APBB2: variants seen among roughly 807,000 people sequenced by gnomAD.
APBB2 encodes the protein Fe65-like 1.
APBB2 carries 38 observed loss-of-function variants against 82.5 expected under a neutral mutation model. The ratio of observed to expected loss-of-function variants is 0.46; its 90% CI spans 0.36 to 0.60. APBB2 has a LOEUF of 0.60. APBB2 is among the 20% of genes least tolerant of loss of function. APBB2 has a pLI of 0.00. For missense variants in APBB2, 772 were observed against 972.3 expected (o/e 0.79, Z 2.74); for synonymous variants, 341 against 368.2 (o/e 0.93, Z 0.85).
In APBB2 at chr4:41,079,829, A is replaced by G. The variant is rs1248561111; in HGVS notation, c.-148-14156T>C. Among the ~76,000 whole-genome samples the G allele has an allele frequency of 3.9e-5, 6 of 152,180 alleles. No individual in the cohort carries two copies. In the East Asian group the frequency reaches 1.2e-3, roughly 29 times the overall value. ...CCCAAAGTGCTGGGATTACAGGCGTAAACCACCGCGACCGGCCAGCTCACC... is the reference window on the plus strand; with the variant it reads ...CCCAAAGTGCTGGGATTACAGGCGTGAACCACCGCGACCGGCCAGCTCACC... On this transcript the variant is annotated intron_variant, in intron 3 of 17. Transcript: ENST00000508593.
chr4:40,893,488 G>T (rs765273627), intron 10 of APBB2, 77 bp from the exon 11 acceptor site: 2 of 1,374,996 alleles, frequency 1.5e-6, no homozygotes, highest in Non-Finnish European at 9.7e-7. Flanking sequence ...CTCCCCTCCC[G>T]CAACTAAAAG....
chr4:41,013,537 A>T (rs373578364), intron 6 of APBB2, 46 bp downstream of exon 6: 14 of 573,924 alleles, frequency 2.4e-5, no homozygotes, highest in Middle Eastern at 5.1e-4. Context: ...TTGAAAAGAT[A>T]AAAAAAAAAA....
chr4:41,071,643 T>C (rs945054983), intron 3 of APBB2, among the ~76,000 whole-genome samples: 1 of 152,046 alleles, frequency 6.6e-6, no homozygotes, highest in African/African-American at 2.4e-5. Context: ...ATCATGCCAC[T>C]GCACTCCAGC....
chr4:40,895,459 G>A lies in APBB2; in HGVS notation c.1255-2048C>T, dbSNP rs180989793. Among the ~76,000 whole-genome samples, 15 of 152,382 alleles carry A rather than the reference G, an allele frequency of 9.8e-5. No homozygotes were observed. In the East Asian group the frequency reaches 2.3e-3, roughly 23 times the overall value. On this transcript the variant is annotated intron_variant, in intron 10 of 17. Coordinates refer to ENST00000508593, the MANE Select transcript of APBB2 (RefSeq NM_004307.2). The stretch of plus-strand genomic sequence containing the variant: ...TGAAGAGGAGGTCCCGGGTGCCAGA[G>A]CTGGCTGTGGCCAATTCAGAGCTAG...
chr4:41,065,305 G>C (rs1253364353), intron 4 of APBB2, among the ~76,000 whole-genome samples: 1 of 151,764 alleles, frequency 6.6e-6, no homozygotes, highest in Admixed American at 6.6e-5. Context: ...AGAAAAATTT[G>C]GAAAAAAAGA....
chr4:41,148,905 CA>C (rs1218651442), intron 1 of APBB2, among the ~76,000 whole-genome samples: 4 of 152,068 alleles, frequency 2.6e-5, no homozygotes, highest in African/African-American at 9.7e-5. Context: ...ATATAAAATA[CA>C]TATAGGAAAT....
At chr4:41,108,973 ACTCT>A (rs965008448) in intron 2 of APBB2, among the ~76,000 whole-genome samples, 5 of 151,686 alleles carry the variant, frequency 3.3e-5, no homozygotes, top group Admixed American at 2.0e-4. Context: ...AAGTCAAAAT[ACTCT>A]CTCTTTTTCT....
At chr4:41,029,178 G>A (rs910550949) in intron 5 of APBB2, among the ~76,000 whole-genome samples, 1 of 152,154 alleles carries the variant, frequency 6.6e-6, no homozygotes, top group Non-Finnish European at 1.5e-5. Context: ...AGTTAATAGT[G>A]AAACCTACCC....
chr4:41,102,307 A>C (rs1274897456), intron 2 of APBB2, among the ~76,000 whole-genome samples: 1 of 152,200 alleles, frequency 6.6e-6, no homozygotes, highest in Non-Finnish European at 1.5e-5. Context: ...TGTTACTGCC[A>C]ACATTTATAT....
intron 12 of APBB2, among the ~76,000 whole-genome samples, chr4:40,839,546 A>T (rs1293141970): frequency 1.3e-5 from 2 of 152,202 alleles, no homozygotes; most frequent in Non-Finnish European, 2.9e-5. Flanking sequence ...GAATTTGTGA[A>T]GGCTGGCACA....
intron 7 of APBB2, among the ~76,000 whole-genome samples, chr4:40,941,901 A>T (rs28609755): frequency 6.6e-6 from 1 of 151,768 alleles, no homozygotes; most frequent in African/African-American, 2.4e-5. Context: ...CCTCCCAAAG[A>T]GCTGGGATTA....
rs1560913638 is a variant in APBB2, at chr4:41,159,969, GAAGAAGAAGAAGAAGAAGA to G, written c.-416-16846_-416-16828del. Reference sequence around the variant, plus strand: ...AGAAGGAGAAGGAGAAGGAGAAGAAGAAGAAGAAGAAGAAGAAGAAGAAGAAGAAGAAGAAGAAGAAGAA... The same window carrying G: ...AGAAGGAGAAGGAGAAGGAGAAGAAGAGAAGAAGAAGAAGAAGAAGAAGAA... On this transcript the variant is annotated intron_variant, in intron 1 of 17. Coordinates refer to ENST00000508593, the MANE Select transcript of APBB2 (RefSeq NM_004307.2). Among the ~76,000 whole-genome samples the G allele has an allele frequency of 7.4e-4, 73 of 98,750 alleles. 5 individuals carry two copies. The highest frequency in any genetic ancestry group is 2.7e-3 in the African/African-American group (69 of 25,724). The allele number at this position is 98,750 out of a possible 152,430, so 64.8% of individuals were successfully genotyped here.
At chr4:40,994,860 G>A (rs1803194908) in intron 6 of APBB2, among the ~76,000 whole-genome samples, 1 of 147,610 alleles carries the variant, frequency 6.8e-6, no homozygotes, top group Admixed American at 6.8e-5. Context: ...GAAGGAAGGA[G>A]AGAGAGAAGG....
chr4:41,139,099 A>G (rs2585588), intron 2 of APBB2, among the ~76,000 whole-genome samples: 148,854 of 152,244 alleles, frequency 0.98, 72,775 homozygotes, highest in East Asian at 1. Flanking sequence ...AAATGGAAAC[A>G]TGTCCCATGT....
chr4:41,120,792 C>A (rs1475730147), intron 2 of APBB2, among the ~76,000 whole-genome samples: 1 of 152,216 alleles, frequency 6.6e-6, no homozygotes, highest in Non-Finnish European at 1.5e-5. Context: ...TTCTCTTTGC[C>A]AAGTTGACCA....
At chr4:40,932,284 C>T (rs1164878000) in intron 10 of APBB2, among the ~76,000 whole-genome samples, 1 of 152,224 alleles carries the variant, frequency 6.6e-6, no homozygotes, top group Non-Finnish European at 1.5e-5. Context: ...TCACAACCTG[C>T]GTTCCTTACC....
chr4:40,862,512 C>T (rs555698521), intron 12 of APBB2, among the ~76,000 whole-genome samples: 1 of 152,160 alleles, frequency 6.6e-6, no homozygotes, highest in Non-Finnish European at 1.5e-5. Flanking sequence ...AAAGCAGCAC[C>T]CAGGTTAGTG....
At chr4:41,210,436 G>A (rs534925786) in intron 1 of APBB2, among the ~76,000 whole-genome samples, 1 of 152,310 alleles carries the variant, frequency 6.6e-6, no homozygotes, top group East Asian at 1.9e-4. Context: ...CTGGTTAGTA[G>A]TCTTTCCTCC....
chr4:40,886,810 T>C (rs958755340), intron 12 of APBB2, among the ~76,000 whole-genome samples: 2 of 152,304 alleles, frequency 1.3e-5, no homozygotes, highest in Non-Finnish European at 2.9e-5. Context: ...CAGGCCAACC[T>C]GGGTGCTCCT....
Sources: gnomAD v4.1 joint callset for allele counts (sites outside exome capture counted in the v4.1 genomes callset) on GRCh38, gnomAD v4.1.1 for gene constraint, MANE v1.5 for transcripts, NCBI Gene and HGNC (gene_info 2026-07-23, HGNC 2026-07-21) for gene names.